The following PRH1 variants were observed in gnomAD, a reference collection of about 807,000 sequenced individuals.
The protein encoded by PRH1 is salivary acidic proline-rich phosphoprotein 1/2.
In PRH1, 7 loss-of-function variants were observed where a neutral mutation model predicts 7.9. That is an observed-to-expected ratio of 0.89 (90% CI 0.50 to 1.67). The LOEUF (loss-of-function observed/expected upper bound fraction) is 1.67, where lower values mean the gene tolerates loss of function less well. Ranked by LOEUF, PRH1 falls within the 40% of genes most tolerant of loss-of-function variation. The pLI is 0.00. For missense variants in PRH1, 109 were observed against 223.6 expected, an observed-to-expected ratio of 0.49 and a Z score of 3.27; for synonymous variants, 45 against 80.8, an observed-to-expected ratio of 0.56 and a Z score of 2.38.
At chr12:11,014,730 A>G (rs1249549316) in intron 1 of PRH1, among the ~76,000 whole-genome samples, 1 of 152,162 alleles carries the variant, frequency 6.6e-6, no homozygotes, top group East Asian at 1.9e-4. Context: ...TTCAGGACGT[A>G]TTCATACGGT....
Position 11,095,718 on chromosome 12 carries a change from G to C in PRH1, n.124-48530C>G, listed in dbSNP as rs558847634. 8.4e-3 allele frequency among the ~76,000 whole-genome samples: 962 copies of C among 113,916 alleles called. 223 individuals carry two copies. The highest frequency in any genetic ancestry group is 0.027 in the African/African-American group (909 of 33,856). 74.7% of individuals were successfully genotyped at this position (113,916 alleles called of 152,430 possible). On this transcript the variant is annotated intron_variant and non_coding_transcript_variant, in intron 1 of 4. Transcript: ENST00000541977. Reference sequence around the variant, plus strand: ...CTCACAAGGCTGAGGTGGGAGGATGGTTTGAGCCCAGGAGTTCCAGACTGC... The same window carrying C: ...CTCACAAGGCTGAGGTGGGAGGATGCTTTGAGCCCAGGAGTTCCAGACTGC...
In PRH1 at chr12:11,001,346, G is replaced by A. The variant is rs575754047; in HGVS notation, c.-125-27625C>T. ...TACTCTTTTTTTATTAGCAGAAGTG[G>A]AGCTCTGTACCTTCAAACTTCTTCA... On this transcript the variant is annotated intron_variant, in intron 1 of 3. Coordinates refer to the PRH1 transcript ENST00000539853. 2.6e-5 allele frequency among the ~76,000 whole-genome samples: 4 copies of A among 152,156 alleles called. No individual in the cohort carries two copies. The East Asian group carries it at 7.7e-4, about 29-fold the overall frequency.
chr12:11,168,542 A>G (rs896280578), intron 1 of PRH1, among the ~76,000 whole-genome samples: 4 of 152,124 alleles, frequency 2.6e-5, no homozygotes, highest in African/African-American at 9.7e-5. Context: ...CAAGGCTTTC[A>G]AGGAGCCAAG....
intron 1 of PRH1, among the ~76,000 whole-genome samples, chr12:11,166,665 C>G (rs750621870): frequency 6.6e-6 from 1 of 152,230 alleles, no homozygotes. Context: ...TATTACTCCA[C>G]TTTAAAACTT....
intron 1 of PRH1, among the ~76,000 whole-genome samples, chr12:11,067,701 A>C (rs2708376): frequency 6.6e-6 from 1 of 151,656 alleles, no homozygotes; most frequent in Non-Finnish European, 1.5e-5. Flanking sequence ...GTCTCTACCA[A>C]AAACAGAAAA....
intron 2 of PRH1, chr12:10,908,851 T>C (rs1348036109): frequency 2.5e-6 from 4 of 1,613,428 alleles, no homozygotes; most frequent in East Asian, 2.2e-5. Context: ...TTTATATGCA[T>C]GTTTATTTGT....
At chr12:10,974,016 G>A (rs1938966804) in intron 1 of PRH1, among the ~76,000 whole-genome samples, 1 of 152,192 alleles carries the variant, frequency 6.6e-6, no homozygotes, top group Non-Finnish European at 1.5e-5. Context: ...TTTGCTAAAA[G>A]CTGGACTAAT....
intron 1 of PRH1, among the ~76,000 whole-genome samples, chr12:11,055,494 G>T (rs1288626992): frequency 6.6e-6 from 1 of 152,262 alleles, no homozygotes; most frequent in Admixed American, 6.5e-5. Flanking sequence ...CTAATGTCAA[G>T]CAGGAACGCA....
At chr12:10,954,339 G>T (rs1360104772) in intron 2 of PRH1, among the ~76,000 whole-genome samples, 1 of 152,158 alleles carries the variant, frequency 6.6e-6, no homozygotes, top group Non-Finnish European at 1.5e-5. Context: ...GAAGCAAGAC[G>T]CAATGGTATA....
chr12:10,882,982 A>G (rs943833023), intron 2 of PRH1, 79 bp downstream of exon 2: 15 of 1,546,142 alleles, frequency 9.7e-6, no homozygotes, highest in Non-Finnish European at 1.3e-5. Flanking sequence ...GAAAATGGTG[A>G]TAAGAAGACA....
intron 1 of PRH1, among the ~76,000 whole-genome samples, chr12:11,105,180 C>G (rs1945373847): frequency 6.6e-6 from 1 of 151,764 alleles, no homozygotes; most frequent in African/African-American, 2.4e-5. Flanking sequence ...TGTTTAACAA[C>G]TCTTAAAAGG....
chr12:11,086,998 A>G (rs1944728286), intron 1 of PRH1, among the ~76,000 whole-genome samples: 1 of 94,418 alleles, frequency 1.1e-5, no homozygotes, highest in East Asian at 2.7e-4. Context: ...TATTTGTATT[A>G]CTACTTTCAA....
At chr12:11,022,016 T>C in intron 1 of PRH1, 1 of 1,582,822 alleles carries the variant, frequency 6.3e-7, no homozygotes. Flanking sequence ...GTAAAGGGTA[T>C]GAGGTTTGCT....
At chr12:11,158,565 A>T (rs1947321667) in intron 1 of PRH1, among the ~76,000 whole-genome samples, 1 of 152,120 alleles carries the variant, frequency 6.6e-6, no homozygotes, top group African/African-American at 2.4e-5. Flanking sequence ...TGTTATTAGC[A>T]GGCATTATTA....
upstream of PRH1, among the ~76,000 whole-genome samples, chr12:10,887,090 C>T (rs1949503147): frequency 6.6e-6 from 1 of 152,224 alleles, no homozygotes; most frequent in Non-Finnish European, 1.5e-5. Context: ...TTTCATGCCT[C>T]AGCTCTTTCA....
chr12:11,140,765 T>C (rs1055026238), intron 1 of PRH1, among the ~76,000 whole-genome samples: 6 of 152,170 alleles, frequency 3.9e-5, no homozygotes, highest in African/African-American at 1.4e-4. Context: ...CCATAATTTG[T>C]TTTCAGCAAC....
At chr12:10,881,764 C>A (rs1435239701) in intron 3 of PRH1, among the ~76,000 whole-genome samples, 1 of 152,122 alleles carries the variant, frequency 6.6e-6, no homozygotes, top group African/African-American at 2.4e-5. Flanking sequence ...GCATGTATGA[C>A]TTTAAATGTA....
intron 1 of PRH1, among the ~76,000 whole-genome samples, chr12:11,000,911 T>C (rs888997650): frequency 9.2e-5 from 14 of 152,140 alleles, no homozygotes; most frequent in African/African-American, 3.1e-4. Flanking sequence ...TTTGTTCTCC[T>C]TCTATAAATC....
chr12:10,973,816 A>C (rs1938953949), intron 1 of PRH1: 1 of 684,058 alleles, frequency 1.5e-6, no homozygotes, highest in African/African-American at 1.8e-5. Context: ...ATCCAGCACA[A>C]GGAGAGTCTT....
Sources: allele counts gnomAD v4.1 joint callset (sites outside exome capture counted in the v4.1 genomes callset), GRCh38; gene constraint gnomAD v4.1.1; transcripts MANE v1.5; gene names NCBI Gene and HGNC (gene_info 2026-07-23, HGNC 2026-07-21).